Variants in GPR158 observed in about 807,000 individuals in gnomAD.
GPR158 encodes the protein G protein-coupled receptor 158, also known as metabotropic glycine receptor.
GPR158 carries 30 observed loss-of-function variants against 78.2 expected under a neutral mutation model. That is an observed-to-expected ratio of 0.38 (90% CI 0.29 to 0.52). GPR158 has a LOEUF of 0.52. Among genes scored for constraint, GPR158 ranks in the 20% least tolerant of loss-of-function variants. GPR158 has a pLI of 0.83. For synonymous variants in GPR158, 581 were observed against 591.1 expected, an observed-to-expected ratio of 0.98 and a Z score of 0.25; for missense variants, 1,463 against 1,523.5, an observed-to-expected ratio of 0.96 and a Z score of 0.66.
intron 2 of GPR158, among the ~76,000 whole-genome samples, chr10:25,268,550 C>T (rs1489886219): frequency 6.6e-6 from 1 of 152,072 alleles, no homozygotes; most frequent in Non-Finnish European, 1.5e-5. Flanking sequence ...AATCGGTATT[C>T]TCAATGAACA....
At chr10:25,226,132 T>C (rs1277140805) in intron 2 of GPR158, among the ~76,000 whole-genome samples, 3 of 152,166 alleles carry the variant, frequency 2.0e-5, no homozygotes, top group Non-Finnish European at 4.4e-5. Flanking sequence ...ACAAATACTA[T>C]TGTTCACCTA....
intron 2 of GPR158, among the ~76,000 whole-genome samples, chr10:25,287,318 A>G (rs1378261281): frequency 6.6e-6 from 1 of 152,010 alleles, no homozygotes; most frequent in East Asian, 1.9e-4. Flanking sequence ...CTCCACCAGT[A>G]CTTGAAGGCA....
At chr10:25,512,290 A>G (rs926387020) in intron 5 of GPR158, among the ~76,000 whole-genome samples, 10 of 151,802 alleles carry the variant, frequency 6.6e-5, no homozygotes, top group African/African-American at 2.2e-4. Context: ...ACTTTTTTGC[A>G]GCTATCATAA....
intron 4 of GPR158, among the ~76,000 whole-genome samples, chr10:25,417,319 G>A (rs1201793558): frequency 6.6e-5 from 10 of 152,120 alleles, no homozygotes; most frequent in Non-Finnish European, 1.0e-4. Flanking sequence ...CTGATACACT[G>A]TTCTTGGCTG....
chr10:25,215,510 A>G (rs1173795117), intron 1 of GPR158, among the ~76,000 whole-genome samples: 2 of 152,020 alleles, frequency 1.3e-5, no homozygotes, highest in Non-Finnish European at 2.9e-5. Context: ...AAGATGGTAA[A>G]TTGTGTTATG....
In GPR158 at chr10:25,391,828, G is replaced by A. The variant is rs1265656684; in HGVS notation, c.1009-4083G>A. On this transcript the variant is annotated intron_variant, in intron 2 of 10. Transcript: ENST00000376351. ...GGGCTGGGGTGGAATGATATGGTTTGGCTATGTCCCCACCCAAATCTCATC... is the reference window on the plus strand; with the variant it reads ...GGGCTGGGGTGGAATGATATGGTTTAGCTATGTCCCCACCCAAATCTCATC... Among the ~76,000 whole-genome samples, 3 of 152,122 alleles carry A rather than the reference G, an allele frequency of 2.0e-5. No individual in the cohort carries two copies. In the East Asian group the frequency reaches 5.8e-4, roughly 29 times the overall value.
intron 2 of GPR158, among the ~76,000 whole-genome samples, chr10:25,261,510 C>A (rs1372833518): frequency 6.6e-6 from 1 of 151,964 alleles, no homozygotes; most frequent in Non-Finnish European, 1.5e-5. Context: ...TTTTCCTCCA[C>A]TGAGAAATTT....
chr10:25,480,445 T>G (rs754692196), intron 5 of GPR158, among the ~76,000 whole-genome samples: 1 of 152,204 alleles, frequency 6.6e-6, no homozygotes, highest in Non-Finnish European at 1.5e-5. Context: ...TCCAAAACTT[T>G]TTCATCATCC....
At chr10:25,191,349 A>T (rs1288989494) in intron 1 of GPR158, among the ~76,000 whole-genome samples, 2 of 152,220 alleles carry the variant, frequency 1.3e-5, no homozygotes, top group African/African-American at 4.8e-5. Context: ...AGACACGAAG[A>T]AAAAGATGCT....
rs903802778 is a variant in GPR158, at chr10:25,176,599, A to T, written c.902+277A>T. 3.0e-4 allele frequency among the ~76,000 whole-genome samples: 45 copies of T among 152,182 alleles called. No individual in the cohort carries two copies. The highest frequency in any genetic ancestry group is 1.1e-3 in the African/African-American group (45 of 41,458). On this transcript the variant is annotated intron_variant, in intron 1 of 10. Coordinates refer to ENST00000376351, the MANE Select transcript of GPR158 (RefSeq NM_020752.3). The surrounding 1 kb of genome is among the most constrained non-coding windows in gnomAD (Gnocchi z 6.3). ...CGAGGGACAGGCAGCCCTTGGCAGGACGGAGACACCCCCGCTGCTCTGTGC... is the reference window on the plus strand; with the variant it reads ...CGAGGGACAGGCAGCCCTTGGCAGGTCGGAGACACCCCCGCTGCTCTGTGC...
At chr10:25,439,564 G>T (rs11014558) in intron 4 of GPR158, among the ~76,000 whole-genome samples, 25,808 of 152,004 alleles carry the variant, frequency 0.17, 2,471 homozygotes, top group African/African-American at 0.28. Context: ...CTATCCATTG[G>T]CTGGTGTTAT....
chr10:25,509,701 CTTTTA>C (rs1196573187), intron 5 of GPR158, among the ~76,000 whole-genome samples: 1 of 152,092 alleles, frequency 6.6e-6, no homozygotes, highest in Admixed American at 6.6e-5. Flanking sequence ...GCTGTATTGC[CTTTTA>C]TTTTATGATT....
At chr10:25,264,714 T>C (rs1333572147) in intron 2 of GPR158, among the ~76,000 whole-genome samples, 3 of 152,190 alleles carry the variant, frequency 2.0e-5, no homozygotes, top group Non-Finnish European at 4.4e-5. Flanking sequence ...GCTATTACCA[T>C]AGTAATTCTT....
At chr10:25,464,243 A>T (rs1174942707) in intron 4 of GPR158, among the ~76,000 whole-genome samples, 2 of 152,146 alleles carry the variant, frequency 1.3e-5, no homozygotes, top group Non-Finnish European at 2.9e-5. Context: ...TGTGGTGGTG[A>T]TGGTTGTGAC....
chr10:25,334,584 G>A (rs974602080), intron 2 of GPR158, among the ~76,000 whole-genome samples: 5 of 151,848 alleles, frequency 3.3e-5, no homozygotes, highest in African/African-American at 7.3e-5. Context: ...TAGAATGTAC[G>A]ATATCTGAAG....
At chr10:25,493,967 G>T (rs1835845461) in intron 5 of GPR158, among the ~76,000 whole-genome samples, 1 of 152,110 alleles carries the variant, frequency 6.6e-6, no homozygotes, top group Admixed American at 6.6e-5. Flanking sequence ...ATGACTCCCT[G>T]TAAGATTTAA....
intron 2 of GPR158, among the ~76,000 whole-genome samples, chr10:25,326,089 T>C (rs1855027222): frequency 6.6e-6 from 1 of 152,134 alleles, no homozygotes; most frequent in Non-Finnish European, 1.5e-5. Flanking sequence ...TTAGCTATTT[T>C]TCCTGATGCT....
chr10:25,582,978 G>A (rs557856308), intron 7 of GPR158, among the ~76,000 whole-genome samples: 36 of 152,272 alleles, frequency 2.4e-4, no homozygotes, highest in African/African-American at 8.7e-4. Flanking sequence ...AATATTTCCA[G>A]GGGTTAAGAA....
chr10:25,367,336 T>C (rs1368525868), intron 2 of GPR158, among the ~76,000 whole-genome samples: 4 of 151,712 alleles, frequency 2.6e-5, no homozygotes, highest in African/African-American at 9.7e-5. Flanking sequence ...TTCTGAATCA[T>C]TGTGCAATTT....
Sources: allele counts gnomAD v4.1 joint callset (sites outside exome capture counted in the v4.1 genomes callset), GRCh38; gene constraint gnomAD v4.1.1; non-coding constraint Gnocchi (gnomAD v3.1); transcripts MANE v1.5; gene names NCBI Gene and HGNC (gene_info 2026-07-23, HGNC 2026-07-21).